SUPT3H: variants seen among roughly 807,000 people sequenced by gnomAD.
SUPT3H encodes transcription initiation protein SPT3 homolog.
Under a neutral mutation model 44.3 loss-of-function variants are expected in SUPT3H, and 44 were observed. The observed-to-expected ratio is 0.99, with a 90% CI of 0.78 to 1.28. SUPT3H has a LOEUF of 1.28. SUPT3H is among the 50% of genes most tolerant of loss of function. The probability of loss-of-function intolerance (pLI) is 0.00; values close to 1 mark genes in which losing one functional copy is unlikely to be tolerated. For synonymous variants in SUPT3H, 124 were observed against 125.6 expected (o/e 0.99, Z 0.09); for missense variants, 380 against 387.1 (o/e 0.98, Z 0.15).
chr6:45,207,994 G>A lies in SUPT3H; in HGVS notation c.102-101988C>T, dbSNP rs78064361. Among the ~76,000 whole-genome samples the A allele has an allele frequency of 2.4e-3, 370 of 152,224 alleles. 4 individuals are homozygous for A. The highest frequency in any genetic ancestry group is 7.3e-3 in the African/African-American group (302 of 41,534). On this transcript the variant is annotated intron_variant, in intron 2 of 10. Coordinates refer to ENST00000371459, the MANE Select transcript of SUPT3H (RefSeq NM_003599.4). ...TTAAGCTTAGTTAAGAAGATATGCC[G>A]AAAGTCAACACAGTCCAAAAGCTAA...
intron 2 of SUPT3H, among the ~76,000 whole-genome samples, chr6:45,151,688 A>C (rs1806992252): frequency 6.6e-6 from 1 of 152,218 alleles, no homozygotes; most frequent in Admixed American, 6.5e-5. Flanking sequence ...CTAATTCATA[A>C]TTGTAACTGT....
intron 2 of SUPT3H, among the ~76,000 whole-genome samples, chr6:45,270,219 A>C (rs1326878847): frequency 1.3e-5 from 2 of 151,966 alleles, no homozygotes; most frequent in African/African-American, 4.8e-5. Context: ...GCCACTTATT[A>C]CTCTATCCCT....
chr6:45,213,196 C>T (rs2815263), intron 2 of SUPT3H, among the ~76,000 whole-genome samples: 132,011 of 152,182 alleles, frequency 0.87, 57,478 homozygotes, highest in African/African-American at 0.9. Context: ...ACAGGAAGTG[C>T]GCCTGGAAGA....
chr6:45,111,852 T>G (rs1486193505), intron 2 of SUPT3H, among the ~76,000 whole-genome samples: 1 of 152,066 alleles, frequency 6.6e-6, no homozygotes, highest in Non-Finnish European at 1.5e-5. Context: ...GCCAGAGATT[T>G]GAGCTCAGAA....
At chr6:45,155,778 C>T (rs927614700) in intron 2 of SUPT3H, among the ~76,000 whole-genome samples, 2 of 151,954 alleles carry the variant, frequency 1.3e-5, no homozygotes, top group African/African-American at 4.8e-5. Context: ...ACTGAGATTC[C>T]AGGGTCACTG....
chr6:45,174,352 A>G (rs183258966), intron 2 of SUPT3H, among the ~76,000 whole-genome samples: 1 of 152,322 alleles, frequency 6.6e-6, no homozygotes, highest in Non-Finnish European at 1.5e-5. Flanking sequence ...AATAAACAAG[A>G]AATTAATCTT....
At chr6:44,891,301 C>G (rs1042450740) in intron 10 of SUPT3H, among the ~76,000 whole-genome samples, 10 of 152,054 alleles carry the variant, frequency 6.6e-5, no homozygotes, top group Non-Finnish European at 1.0e-4. Context: ...AGCAGGAACT[C>G]AGATACTGGT....
chr6:45,172,888 C>T (rs1198963423), intron 2 of SUPT3H, among the ~76,000 whole-genome samples: 4 of 152,136 alleles, frequency 2.6e-5, no homozygotes, highest in African/African-American at 9.7e-5. Context: ...CCACACCCGG[C>T]CCAGATATTT....
chr6:45,330,239 T>A (rs1352137382), intron 2 of SUPT3H, among the ~76,000 whole-genome samples: 1 of 151,896 alleles, frequency 6.6e-6, no homozygotes, highest in Non-Finnish European at 1.5e-5. Flanking sequence ...GGGTACCAAG[T>A]ATTACTCTAA....
rs369441009 is a variant in SUPT3H at position 45,373,754 on chromosome 6, T to C, written c.-1+4014A>G. Among the ~76,000 whole-genome samples, 134 of 152,300 alleles carry C rather than the reference T, an allele frequency of 8.8e-4. 1 individual carries two copies. Among genetic ancestry groups the C allele is most frequent in the Non-Finnish European group, 4.1e-4 (28 of 68,024 alleles). On this transcript the variant is annotated intron_variant, in intron 1 of 10. Transcript: ENST00000371459. The stretch of plus-strand genomic sequence containing the variant: ...TTTTAGTAGAGACGGGGTTTCGCCA[T>C]GTTGGCCAGTCTGGTCTCCAACTCC...
intron 8 of SUPT3H, 25 bp from the exon 9 acceptor site, chr6:44,953,442 C>A (rs1244379556): frequency 6.3e-7 from 1 of 1,582,364 alleles, no homozygotes; most frequent in Non-Finnish European, 8.7e-7. Flanking sequence ...GAATGAAAGT[C>A]ACATAGCTAG....
At chr6:45,180,848 C>A (rs1423116200) in intron 2 of SUPT3H, among the ~76,000 whole-genome samples, 17 of 151,382 alleles carry the variant, frequency 1.1e-4, no homozygotes, top group African/African-American at 3.1e-4. Flanking sequence ...CAATGGCAAC[C>A]AAAGCCAAAA....
At chr6:45,115,284 A>T (rs1800678492) in intron 2 of SUPT3H, among the ~76,000 whole-genome samples, 1 of 152,178 alleles carries the variant, frequency 6.6e-6, no homozygotes, top group African/African-American at 2.4e-5. Context: ...CAGAGATAAG[A>T]GAATTTTGTA....
intron 10 of SUPT3H, among the ~76,000 whole-genome samples, chr6:44,888,517 CAT>C (rs1437670369): frequency 6.6e-6 from 1 of 152,172 alleles, no homozygotes; most frequent in Non-Finnish European, 1.5e-5. Context: ...ACAAAAACCA[CAT>C]GATTACCTCA....
At chr6:45,268,845 A>C (rs1434209584) in intron 2 of SUPT3H, among the ~76,000 whole-genome samples, 1 of 152,220 alleles carries the variant, frequency 6.6e-6, no homozygotes, top group East Asian at 1.9e-4. Context: ...CATCCTAGTC[A>C]AAATTATTAA....
chr6:44,995,240 A>G (rs1781122155), intron 6 of SUPT3H, among the ~76,000 whole-genome samples: 1 of 152,040 alleles, frequency 6.6e-6, no homozygotes, highest in South Asian at 2.1e-4. Flanking sequence ...ATGTTACTGC[A>G]TTTATACAAA....
chr6:44,930,336 G>A (rs929980923), intron 10 of SUPT3H, among the ~76,000 whole-genome samples: 2 of 151,610 alleles, frequency 1.3e-5, no homozygotes, highest in East Asian at 1.9e-4. Context: ...AGCCGAGTTC[G>A]CGCCACTGCA....
At chr6:45,206,823 T>TGGCA (rs1763286073) in intron 2 of SUPT3H, among the ~76,000 whole-genome samples, 1 of 152,008 alleles carries the variant, frequency 6.6e-6, no homozygotes, top group Non-Finnish European at 1.5e-5. Flanking sequence ...GAGGGGGAGA[T>TGGCA]GGCAGCAGGA....
chr6:44,825,746 ATAAG>A (rs2153406945), downstream of SUPT3H, among the ~76,000 whole-genome samples: 1 of 152,364 alleles, frequency 6.6e-6, no homozygotes, highest in African/African-American at 2.4e-5. Flanking sequence ...GTTACCTGGT[ATAAG>A]TAAAACTATA....
Sources: allele counts gnomAD v4.1 joint callset (sites outside exome capture counted in the v4.1 genomes callset), GRCh38; gene constraint gnomAD v4.1.1; transcripts MANE v1.5; gene names NCBI Gene and HGNC (gene_info 2026-07-23, HGNC 2026-07-21).